Variants in LDLRAD4 observed in about 807,000 individuals in gnomAD.
LDLRAD4 encodes the protein low density lipoprotein receptor class A domain containing 4.
LDLRAD4 carries 5 observed loss-of-function variants against 17.0 expected under a neutral mutation model. That is an observed-to-expected ratio of 0.29 (90% CI 0.15 to 0.62). LDLRAD4 has a LOEUF of 0.62. Among genes scored for constraint, LDLRAD4 ranks in the 20% least tolerant of loss-of-function variants. The pLI, the probability that LDLRAD4 is intolerant of heterozygous loss-of-function variation, is 0.84. For synonymous variants in LDLRAD4, 168 were observed against 171.8 expected, an observed-to-expected ratio of 0.98 and a Z score of 0.17; for missense variants, 340 against 424.7, an observed-to-expected ratio of 0.80 and a Z score of 1.75.
intron 2 of LDLRAD4, among the ~76,000 whole-genome samples, chr18:13,411,515 G>A (rs1262872954): frequency 1.3e-5 from 2 of 152,164 alleles, no homozygotes; most frequent in African/African-American, 4.8e-5. Context: ...CCAGTTGGAG[G>A]TAATTGAATC....
At chr18:13,416,784 T>A (rs2088938003) in intron 2 of LDLRAD4, among the ~76,000 whole-genome samples, 1 of 152,206 alleles carries the variant, frequency 6.6e-6, no homozygotes, top group African/African-American at 2.4e-5. Context: ...GATTAATTCC[T>A]TTACAAAACT....
chr18:13,607,695 G>A (rs1056499243), intron 3 of LDLRAD4, among the ~76,000 whole-genome samples: 1 of 152,078 alleles, frequency 6.6e-6, no homozygotes, highest in African/African-American at 2.4e-5. Flanking sequence ...AACATGTGGT[G>A]TTTGGTTTTC....
chr18:13,352,063 T>TC (rs1251094344), intron 1 of LDLRAD4, among the ~76,000 whole-genome samples: 1 of 152,102 alleles, frequency 6.6e-6, no homozygotes, highest in African/African-American at 2.4e-5. Context: ...AAATTCAACA[T>TC]CCCTTTGTGT....
At chr18:13,438,151 T>C in intron 2 of LDLRAD4, 93 bp from the exon 4 acceptor site, 2 of 1,155,096 alleles carry the variant, frequency 1.7e-6, no homozygotes, top group South Asian at 1.3e-5. Flanking sequence ...AATCATGGCA[T>C]GCAAATGGGG....
intron 3 of LDLRAD4, chr18:13,615,431 G>A (rs2148756506): frequency 6.6e-6 from 1 of 152,358 alleles, no homozygotes; most frequent in South Asian, 2.1e-4. Context: ...AAATAGAAAT[G>A]AGTGTTATAT....
At chr18:13,568,324 G>T (rs1256369599) in intron 3 of LDLRAD4, among the ~76,000 whole-genome samples, 2 of 151,708 alleles carry the variant, frequency 1.3e-5, no homozygotes, top group Non-Finnish European at 2.9e-5. Context: ...AAACAAGTTT[G>T]CAGAAGGCAG....
chr18:13,453,468 GC>G (rs1373433484), intron 3 of LDLRAD4, among the ~76,000 whole-genome samples: 1 of 152,134 alleles, frequency 6.6e-6, no homozygotes, highest in Admixed American at 6.5e-5. Flanking sequence ...AACACCTCAA[GC>G]CTGGTTTTTC....
intron 1 of LDLRAD4, among the ~76,000 whole-genome samples, chr18:13,223,545 C>T (rs186596702): frequency 9.2e-5 from 14 of 152,288 alleles, no homozygotes; most frequent in Admixed American, 9.2e-4. Flanking sequence ...GCCCCAGGGG[C>T]CAGCAACCTG....
intron 1 of LDLRAD4, among the ~76,000 whole-genome samples, chr18:13,324,073 A>G (rs2081385458): frequency 6.9e-6 from 1 of 145,924 alleles, no homozygotes; most frequent in South Asian, 2.3e-4. Flanking sequence ...CATCAGGATT[A>G]GCATACCAAA....
chr18:13,550,625 C>T (rs1268569774), intron 3 of LDLRAD4, among the ~76,000 whole-genome samples: 3 of 152,242 alleles, frequency 2.0e-5, no homozygotes, highest in Non-Finnish European at 4.4e-5. Context: ...ATGAGTCCCG[C>T]CGAGCAGCCT....
At chr18:13,333,330 G>A (rs983835119) in intron 1 of LDLRAD4, among the ~76,000 whole-genome samples, 3 of 152,140 alleles carry the variant, frequency 2.0e-5, no homozygotes, top group Non-Finnish European at 4.4e-5. Flanking sequence ...TAACAGATGT[G>A]TCTTTTGAAA....
chr18:13,444,622 G>A lies in LDLRAD4; in HGVS notation c.181+6238G>A, dbSNP rs114828790. On this transcript the variant is annotated intron_variant, in intron 3 of 5. Transcript: ENST00000359446. ...GCTGCACATAGTGGACACTCAGAGT[G>A]TTGACTGGAGACTGTTGATCCTTTC... is the stretch of plus-strand genomic sequence containing the variant. Among the ~76,000 whole-genome samples, 78 of 152,300 alleles carry A rather than the reference G, an allele frequency of 5.1e-4. 1 individual carries two copies. The highest frequency in any genetic ancestry group is 6.8e-3 in the Middle Eastern group (2 of 294).
intron 4 of LDLRAD4, among the ~76,000 whole-genome samples, chr18:13,642,930 T>TG (rs1381885844): frequency 1.7e-4 from 23 of 132,668 alleles, no homozygotes; most frequent in Admixed American, 1.2e-3. Context: ...TATTTTTTGT[T>TG]TTTTTTTTTT....
intron 3 of LDLRAD4, among the ~76,000 whole-genome samples, chr18:13,564,660 G>T (rs2094577532): frequency 6.6e-6 from 1 of 151,094 alleles, no homozygotes; most frequent in African/African-American, 2.4e-5. Flanking sequence ...AGTGCGGCAG[G>T]TGAGGGTGCG....
At position 13,636,281 on chromosome 18, in the gene LDLRAD4, C is replaced by T. The variant is rs925054136; in HGVS notation, c.337-7078C>T. On this transcript the variant is annotated intron_variant, in intron 4 of 5. Transcript: ENST00000359446. ...TGCTGAACCCATGGACAAAAAAGGTCGGCCCCTCCGTATGAGAGGCTTTTC... is the reference window on the plus strand; with the variant it reads ...TGCTGAACCCATGGACAAAAAAGGTTGGCCCCTCCGTATGAGAGGCTTTTC... 6.6e-5 allele frequency among the ~76,000 whole-genome samples: 10 copies of T among 151,974 alleles called. No homozygotes were observed. The East Asian group carries it at 7.7e-4, about 12-fold the overall frequency.
At chr18:13,507,565 C>T (rs1308570893) in intron 3 of LDLRAD4, among the ~76,000 whole-genome samples, 2 of 152,204 alleles carry the variant, frequency 1.3e-5, no homozygotes, top group Non-Finnish European at 1.5e-5. Context: ...CCTCATTGGT[C>T]AGTGAGCACT....
intron 1 of LDLRAD4, among the ~76,000 whole-genome samples, chr18:13,223,787 C>A (rs1033126998): frequency 6.6e-6 from 1 of 152,214 alleles, no homozygotes; most frequent in Non-Finnish European, 1.5e-5. Context: ...ATCCTCACAG[C>A]GGCCCTGTGA....
At chr18:13,553,402 G>A (rs2094453805) in intron 3 of LDLRAD4, among the ~76,000 whole-genome samples, 2 of 152,182 alleles carry the variant, frequency 1.3e-5, no homozygotes, top group South Asian at 2.1e-4. Flanking sequence ...GATGTGAGAC[G>A]AGATTTTGAA....
intron 1 of LDLRAD4, among the ~76,000 whole-genome samples, chr18:13,263,304 A>C (rs1013423819): frequency 6.9e-6 from 1 of 144,596 alleles, no homozygotes; most frequent in African/African-American, 2.6e-5. Context: ...GCTGAGTCCC[A>C]TGCGGCTCTG....
Sources: gnomAD v4.1 joint callset for allele counts (sites outside exome capture counted in the v4.1 genomes callset) on GRCh38, gnomAD v4.1.1 for gene constraint, MANE v1.5 for transcripts, NCBI Gene and HGNC (gene_info 2026-07-23, HGNC 2026-07-21) for gene names.